DCAF8L2: variants seen among roughly 807,000 people sequenced by gnomAD.
DCAF8L2 encodes DDB1 and CUL4 associated factor 8 like 2, also known as DDB1- and CUL4-associated factor 8-like protein 2.
For synonymous variants in DCAF8L2, 200 were observed against 190.9 expected (o/e 1.05, Z -0.39); for missense variants, 430 against 490.7 (o/e 0.88, Z 1.17).
At chrX:27,524,227 G>A in the DCAF8L2 span, among the ~76,000 whole-genome samples, 1 of 111,500 alleles carries the variant, frequency 9.0e-6, no homozygotes, top group African/African-American at 3.3e-5. Flanking sequence ...GGTCTATTCA[G>A]GGATTCAACT....
intron 1 of DCAF8L2, among the ~76,000 whole-genome samples, chrX:27,590,991 T>TTTTATATATATATATATATATATATATA (rs761150025): frequency 2.9e-5 from 2 of 68,060 alleles, no homozygotes; most frequent in African/African-American, 8.8e-5. Context: ...CCTTTACATT[T>TTTTATATATATATATATATATATATATA]TATATATATA....
chrX:27,472,758 T>C, the DCAF8L2 span, among the ~76,000 whole-genome samples: 1 of 112,246 alleles, frequency 8.9e-6, no homozygotes, highest in Non-Finnish European at 1.9e-5. Flanking sequence ...TTCCATTATG[T>C]ATATGTACCA....
At chrX:27,544,746 C>T in the DCAF8L2 span, among the ~76,000 whole-genome samples, 1 of 111,696 alleles carries the variant, frequency 9.0e-6, no homozygotes, top group Non-Finnish European at 1.9e-5. Flanking sequence ...AACTCAAAAC[C>T]TGTGAAGCAC....
the DCAF8L2 span, among the ~76,000 whole-genome samples, chrX:27,535,065 G>C: frequency 3.8e-4 from 43 of 112,146 alleles, no homozygotes; most frequent in African/African-American, 1.3e-3. Context: ...AAACTCTCTA[G>C]TCTTTACACT....
the DCAF8L2 span, among the ~76,000 whole-genome samples, chrX:27,542,938 C>T: frequency 6.3e-5 from 7 of 111,669 alleles, no homozygotes; most frequent in African/African-American, 1.9e-4. Flanking sequence ...TGTATGTCTT[C>T]TGTCTACTCT....
chrX:27,615,012 C>G (rs1018265618), intron 1 of DCAF8L2, among the ~76,000 whole-genome samples: 2 of 111,096 alleles, frequency 1.8e-5, no homozygotes, highest in African/African-American at 6.5e-5. Flanking sequence ...TGCTCTGTAG[C>G]AAGTCTAAGT....
intron 3 of DCAF8L2, among the ~76,000 whole-genome samples, chrX:27,685,836 G>A (rs1286051826): frequency 1.8e-5 from 2 of 111,792 alleles, no homozygotes; most frequent in Admixed American, 9.6e-5. Flanking sequence ...CTATCCATCT[G>A]ACAATGGATT....
intron 1 of DCAF8L2, among the ~76,000 whole-genome samples, chrX:27,608,721 T>C (rs1927026006): frequency 9.1e-6 from 1 of 110,286 alleles, no homozygotes; most frequent in Non-Finnish European, 1.9e-5. Flanking sequence ...TCTGTGATGT[T>C]TTGCAAATAA....
intron 1 of DCAF8L2, among the ~76,000 whole-genome samples, chrX:27,598,200 C>T (rs1926447571): frequency 8.9e-6 from 1 of 112,371 alleles, no homozygotes; most frequent in Non-Finnish European, 1.9e-5. Context: ...TATACTTTGG[C>T]TGAAAAAATA....
intron 1 of DCAF8L2, among the ~76,000 whole-genome samples, chrX:27,607,938 A>G (rs1926982127): frequency 8.9e-6 from 1 of 112,014 alleles, no homozygotes; most frequent in Admixed American, 9.5e-5. Flanking sequence ...AAAGTGTTAG[A>G]AATTGAAGAA....
chrX:27,642,247 C>G (rs1928764510), intron 2 of DCAF8L2, among the ~76,000 whole-genome samples: 1 of 110,668 alleles, frequency 9.0e-6, no homozygotes, highest in African/African-American at 3.3e-5. Flanking sequence ...GAGGTTTGAT[C>G]CTTTTAAACT....
chrX:27,517,749 T>C, the DCAF8L2 span: 2 of 1,127,693 alleles, frequency 1.8e-6, 1 homozygote, highest in South Asian at 3.6e-5. Context: ...AGAACATATA[T>C]GCAAAATAAC....
Position 27,672,742 on chromosome X carries a change from A to C in DCAF8L2, c.-219-5094A>C, listed in dbSNP as rs73532441. The stretch of plus-strand genomic sequence containing the variant: ...GTGGCCAAGACAACTACAGGGCGAA[A>C]CTTTATATTTGATAAATAAAATCCC... On this transcript the variant is annotated intron_variant, in intron 2 of 4. Coordinates refer to ENST00000451261, the MANE Select transcript of DCAF8L2 (RefSeq NM_001353450.2). 9.0e-3 allele frequency among the ~76,000 whole-genome samples: 1,008 copies of C among 112,343 alleles called. 3 individuals are homozygous for C. Among genetic ancestry groups the C allele is most frequent in the African/African-American group, 0.029 (910 of 30,936 alleles).
chrX:27,600,211 T>C (rs1400837218), intron 1 of DCAF8L2, among the ~76,000 whole-genome samples: 1 of 111,869 alleles, frequency 8.9e-6, no homozygotes, highest in African/African-American at 3.2e-5. Flanking sequence ...TGTGTGTGTA[T>C]CAGAATAAAA....
chrX:27,679,808 G>A (rs1406285966), intron 3 of DCAF8L2, among the ~76,000 whole-genome samples: 1 of 111,578 alleles, frequency 9.0e-6, no homozygotes, highest in Non-Finnish European at 1.9e-5. Flanking sequence ...AGTTGGCAAA[G>A]TTATTTGTCC....
chrX:27,742,169 A>G (rs1921887425), intron 4 of DCAF8L2, among the ~76,000 whole-genome samples: 1 of 111,788 alleles, frequency 8.9e-6, no homozygotes, highest in Non-Finnish European at 1.9e-5. Context: ...ACTCAACTAG[A>G]GAAATCTCTC....
At chrX:27,593,087 C>T (rs1440436981) in intron 1 of DCAF8L2, among the ~76,000 whole-genome samples, 1 of 111,983 alleles carries the variant, frequency 8.9e-6, no homozygotes, top group Non-Finnish European at 1.9e-5. Flanking sequence ...GCATGAGCCA[C>T]CGTGCCCAGC....
At chrX:27,617,747 AT>A (rs1323298892) in intron 1 of DCAF8L2, among the ~76,000 whole-genome samples, 1 of 111,366 alleles carries the variant, frequency 9.0e-6, no homozygotes, top group Non-Finnish European at 1.9e-5. Flanking sequence ...CTTATTAGAT[AT>A]TTTTTATTTA....
At chrX:27,483,018 A>T in the DCAF8L2 span, among the ~76,000 whole-genome samples, 203 of 111,767 alleles carry the variant, frequency 1.8e-3, no homozygotes, top group African/African-American at 6.3e-3. Flanking sequence ...GTAACATAAA[A>T]CCACAAATAG....
Sources: allele counts gnomAD v4.1 joint callset (sites outside exome capture counted in the v4.1 genomes callset), GRCh38; gene constraint gnomAD v4.1.1; transcripts MANE v1.5; gene names NCBI Gene and HGNC (gene_info 2026-07-23, HGNC 2026-07-21).